Variants in ZNF75D observed in about 807,000 individuals in gnomAD.
The protein encoded by ZNF75D is zinc finger protein 75.
ZNF75D carries 33 observed loss-of-function variants against 33.3 expected under a neutral mutation model. The observed-to-expected ratio is 0.99, with a 90% CI of 0.75 to 1.32. The LOEUF (loss-of-function observed/expected upper bound fraction) is 1.32, where lower values mean the gene tolerates loss of function less well. Ranked by LOEUF, ZNF75D falls within the 40% of genes most tolerant of loss-of-function variation. The pLI, the probability that ZNF75D is intolerant of heterozygous loss-of-function variation, is 0.00. For missense variants in ZNF75D, 338 were observed against 367.5 expected, an observed-to-expected ratio of 0.92 and a Z score of 0.66; for synonymous variants, 113 against 130.6, an observed-to-expected ratio of 0.87 and a Z score of 0.92.
chrX:135,292,111 TC>T (rs2084050466), intron 4 of ZNF75D, among the ~76,000 whole-genome samples, 169 bp downstream of exon 4: 1 of 111,001 alleles, frequency 9.0e-6, no homozygotes, highest in Non-Finnish European at 1.9e-5. Context: ...GATATTTCTG[TC>T]CCCCAGGCTG....
At position 135,272,027 on chromosome X, in the gene ZNF75D, A is replaced by T. The variant is rs1031694065; in HGVS notation, n.828-16250T>A. On this transcript the variant is annotated intron_variant and non_coding_transcript_variant, in intron 1 of 3. Coordinates refer to the ZNF75D transcript ENST00000494295. ...TGCAGCTGATCTGGCTGACATGGGA[A>T]CAAGCTGAATGGCTGCATTGCTTAT... Among the ~76,000 whole-genome samples the T allele has an allele frequency of 5.4e-5, 6 of 110,737 alleles. No homozygotes were observed. The Admixed American group carries it at 5.8e-4, about 11-fold the overall frequency.
Position 135,264,208 on chromosome X carries a change from C to G in ZNF75D, n.828-8431G>C, listed in dbSNP as rs116434283. On this transcript the variant is annotated intron_variant and non_coding_transcript_variant, in intron 1 of 3. Transcript: ENST00000494295. ...CAAGCACATGGTGGAGCAGGAGAGA[C>G]AGACAGCAAAGGAGGGAGTGCCACA... Among the ~76,000 whole-genome samples the G allele has an allele frequency of 9.3e-3, 1,037 of 111,620 alleles. 5 individuals are homozygous for G. The highest frequency in any genetic ancestry group is 0.015 in the Admixed American group (157 of 10,496).
chrX:135,334,586 G>T (rs1333483788), intron 1 of ZNF75D, among the ~76,000 whole-genome samples: 1 of 111,440 alleles, frequency 9.0e-6, no homozygotes, highest in East Asian at 2.8e-4. Context: ...AATGAAACCA[G>T]GAAGGGGTGG....
In ZNF75D at chrX:135,291,097, A is replaced by G. The variant is rs782066535; in HGVS notation, c.735T>C (p.Ser245=). ...LTFEDVAVYF[S]EEEWQLLNPL... ...GATTCAATAATTGCCACTCTTCCTC[A>G]GAAAAATACACAGCCACATCTTCAA... Residue 245 remains serine (S), a synonymous_variant, in exon 6 of 7, where the codon TCT becomes TCC. Coordinates refer to ENST00000370766, the MANE Select transcript of ZNF75D (RefSeq NM_007131.5). 2 of 1,211,593 alleles carry G rather than the reference A, an allele frequency of 1.7e-6. No individual in the cohort carries two copies. The highest frequency in any genetic ancestry group is 3.5e-5 in the South Asian group (2 of 57,012).
At chrX:135,256,777 T>C (rs1335959131) in intron 1 of ZNF75D, among the ~76,000 whole-genome samples, 1 of 111,711 alleles carries the variant, frequency 9.0e-6, no homozygotes, top group Non-Finnish European at 1.9e-5. Context: ...GGTAGTCCTT[T>C]ATAGCAGTAT....
intron 3 of ZNF75D, 39 bp downstream of exon 3, chrX:135,293,691 T>C (rs1156424270): frequency 8.9e-7 from 1 of 1,118,139 alleles, no homozygotes; most frequent in African/African-American, 1.8e-5. Flanking sequence ...TCCACTTTTA[T>C]CCTACTTCAT....
Position 135,287,412 on chromosome X carries a change from G to T in ZNF75D, c.1258C>A (p.Pro420Thr). The change falls in exon 7 of 7, where the codon CCA becomes ACA. Residue 420 changes from proline to threonine, a missense_variant. Physicochemically the swap from Pro to Thr is conservative, Grantham distance 38 (BLOSUM62 -1). Coordinates refer to ENST00000370766, the MANE Select transcript of ZNF75D (RefSeq NM_007131.5). ...KHFMTHQGIK[P>T]YRCSWCGKSF... is the part of the protein sequence containing the mutation. ...TTCCCACACCATGAGCATCTATATGGTTTTATTCCTTGATGGGTCATGAAG... is the reference window on the plus strand; with the variant it reads ...TTCCCACACCATGAGCATCTATATGTTTTTATTCCTTGATGGGTCATGAAG... 8.3e-7 allele frequency: 1 copy of T among 1,211,530 alleles called. No individual in the cohort carries two copies. The highest frequency in any genetic ancestry group is 1.1e-6 in the Non-Finnish European group (1 of 895,362).
chrX:135,326,232 A>C (rs1249866302), intron 1 of ZNF75D, among the ~76,000 whole-genome samples: 1 of 107,689 alleles, frequency 9.3e-6, no homozygotes, highest in African/African-American at 3.4e-5. Flanking sequence ...CTTTATGTCT[A>C]GCTCAGGGAT....
At chrX:135,299,612 G>T (rs1412678797) in intron 1 of ZNF75D, among the ~76,000 whole-genome samples, 1 of 112,002 alleles carries the variant, frequency 8.9e-6, no homozygotes, top group African/African-American at 3.2e-5. Context: ...CTGCACAAAA[G>T]ATTTTAATTT....
At chrX:135,292,578 A>G in intron 3 of ZNF75D, 105 bp from the exon 4 acceptor site, 1 of 619,729 alleles carries the variant, frequency 1.6e-6, no homozygotes. Context: ...AATGCATGAC[A>G]TTAGAGAAGT....
chrX:135,258,104 T>C (rs1556414680), intron 1 of ZNF75D, among the ~76,000 whole-genome samples: 1 of 105,353 alleles, frequency 9.5e-6, no homozygotes, highest in Non-Finnish European at 2.0e-5. Context: ...AGAATGATGG[T>C]TTCCAGCTTC....
chrX:135,310,618 T>C (rs1233368741), intron 1 of ZNF75D, among the ~76,000 whole-genome samples: 1 of 111,703 alleles, frequency 9.0e-6, no homozygotes. Flanking sequence ...TTCTGTCCCC[T>C]CCACCTCTCC....
intron 1 of ZNF75D, among the ~76,000 whole-genome samples, chrX:135,278,230 G>A (rs1268319266): frequency 1.8e-5 from 2 of 111,152 alleles, no homozygotes; most frequent in African/African-American, 6.6e-5. Flanking sequence ...GGATTCCTAG[G>A]TATTTTATTC....
intron 1 of ZNF75D, among the ~76,000 whole-genome samples, chrX:135,325,186 T>C (rs1282016598): frequency 9.3e-6 from 1 of 107,829 alleles, no homozygotes; most frequent in Admixed American, 9.5e-5. Context: ...ATGATATTAC[T>C]AAAGCACTCA....
intron 6 of ZNF75D, among the ~76,000 whole-genome samples, chrX:135,288,188 G>C (rs1556420321): frequency 8.9e-6 from 1 of 112,196 alleles, no homozygotes; most frequent in African/African-American, 3.2e-5. Flanking sequence ...GGCTGCCTGG[G>C]TAGGCTTATT....
chrX:135,303,408 A>T (rs916403403), intron 1 of ZNF75D, among the ~76,000 whole-genome samples: 2 of 111,863 alleles, frequency 1.8e-5, no homozygotes, highest in African/African-American at 6.5e-5. Flanking sequence ...CCTGCGGCCT[A>T]CCACAGTGTT....
Position 135,328,802 on chromosome X carries a change from G to A in ZNF75D, c.-391+12966C>T, listed in dbSNP as rs151252898. 7.2e-3 allele frequency among the ~76,000 whole-genome samples: 802 copies of A among 111,918 alleles called. 14 individuals carry two copies. Among genetic ancestry groups the A allele is most frequent in the African/African-American group, 0.025 (768 of 30,731 alleles). Reference sequence around the variant, plus strand: ...CTCTTTCCTTGAACTCCATTGACAGGTTCATTGTCTATGTTTTTGTGGGTT... The same window carrying A: ...CTCTTTCCTTGAACTCCATTGACAGATTCATTGTCTATGTTTTTGTGGGTT... On this transcript the variant is annotated intron_variant, in intron 1 of 6. Coordinates refer to ENST00000370766, the MANE Select transcript of ZNF75D (RefSeq NM_007131.5).
In ZNF75D at chrX:135,292,275, C is replaced by T. The variant is rs782689399; in HGVS notation, c.604+6G>A. 5.9e-6 allele frequency: 7 copies of T among 1,181,757 alleles called. No individual in the cohort carries two copies. The South Asian group carries it at 1.3e-4, about 21-fold the overall frequency. On this transcript the variant is annotated splice_donor_region_variant and intron_variant, in intron 4 of 6. Coordinates refer to ENST00000370766, the MANE Select transcript of ZNF75D (RefSeq NM_007131.5). ...AGGAGAAGACAATTATGATGAAGCTCCTCACCTCTTTCATATACAGGCTGG... is the reference window on the plus strand; with the variant it reads ...AGGAGAAGACAATTATGATGAAGCTTCTCACCTCTTTCATATACAGGCTGG...
At chrX:135,317,409 C>T (rs1484369683) in intron 1 of ZNF75D, among the ~76,000 whole-genome samples, 9 of 111,521 alleles carry the variant, frequency 8.1e-5, no homozygotes, top group African/African-American at 2.9e-4. Context: ...CGTACACTGG[C>T]ACCATTGTTA....
Sources: gnomAD v4.1 joint callset for allele counts (sites outside exome capture counted in the v4.1 genomes callset) on GRCh38, gnomAD v4.1.1 for gene constraint, MANE v1.5 for transcripts, NCBI Gene and HGNC (gene_info 2026-07-23, HGNC 2026-07-21) for gene names.